The following EHBP1 variants were observed in gnomAD, a reference collection of about 807,000 sequenced individuals.
The protein encoded by EHBP1 is EH domain-binding protein 1.
Under a neutral mutation model 144.0 loss-of-function variants are expected in EHBP1, and 55 were observed. The observed-to-expected ratio is 0.38, with a 90% CI of 0.31 to 0.48. The LOEUF is 0.48. Ranked by LOEUF, EHBP1 falls within the 20% of genes least tolerant of loss-of-function variation. The pLI, the probability that EHBP1 is intolerant of heterozygous loss-of-function variation, is 0.98. For synonymous variants in EHBP1, 469 were observed against 472.7 expected (o/e 0.99, Z 0.10); for missense variants, 1,200 against 1,364.2 (o/e 0.88, Z 1.90).
chr2:62,992,486 C>CTTTGT (rs2059453398), intron 16 of EHBP1, among the ~76,000 whole-genome samples: 1 of 152,148 alleles, frequency 6.6e-6, no homozygotes, highest in Non-Finnish European at 1.5e-5. Flanking sequence ...GTGCTTTAAA[C>CTTTGT]AGCTTGCCTT....
In EHBP1 at chr2:62,859,208, A is replaced by G. The variant is rs145562120; in HGVS notation, c.674A>G (p.Lys225Arg). ...CTTAACTTTTTGGATGAAGCAGAAAAGGACTTGGCCACCGTGAATTCAAAT... is the reference window on the plus strand; with the variant it reads ...CTTAACTTTTTGGATGAAGCAGAAAGGGACTTGGCCACCGTGAATTCAAAT... ...NKLNFLDEAE[K>R]DLATVNSNPF... The change falls in exon 8 of 23, where the codon AAG becomes AGG. Residue 225 changes from lysine (K) to arginine (R), a missense_variant. Coordinates refer to ENST00000431489, the MANE Select transcript of EHBP1 (RefSeq NM_001142616.3). The G allele has an allele frequency of 3.1e-6, 5 of 1,611,914 alleles. No homozygotes were observed. The highest frequency in any genetic ancestry group is 4.2e-6 in the Non-Finnish European group (5 of 1,178,682).
At chr2:62,810,971 T>G (rs574293876) in intron 5 of EHBP1, among the ~76,000 whole-genome samples, 67 of 152,348 alleles carry the variant, frequency 4.4e-4, no homozygotes, top group Admixed American at 1.8e-3. Flanking sequence ...TTGGACATTC[T>G]ACAACCCATT....
At chr2:62,896,296 G>A (rs1226811677) in intron 10 of EHBP1, among the ~76,000 whole-genome samples, 1 of 152,166 alleles carries the variant, frequency 6.6e-6, no homozygotes, top group Non-Finnish European at 1.5e-5. Flanking sequence ...TATGTAACTG[G>A]AAAGGAGTGA....
chr2:62,755,935 G>A lies in EHBP1; in HGVS notation c.163-8331G>A, dbSNP rs1364971417. On this transcript the variant is annotated intron_variant, in intron 3 of 22. Transcript: ENST00000431489. ...AAATTAGATAGCAATTATTGTCTAA[G>A]AGAAAATGAGAAACATAAGGAAATG... 6.6e-5 allele frequency among the ~76,000 whole-genome samples: 10 copies of A among 152,076 alleles called. No individual in the cohort carries two copies. The East Asian group carries it at 1.9e-3, about 29-fold the overall frequency.
chr2:62,857,852 C>CA (rs1173371628), intron 7 of EHBP1, among the ~76,000 whole-genome samples: 1 of 151,180 alleles, frequency 6.6e-6, no homozygotes, highest in African/African-American at 2.4e-5. Context: ...CTTAAAAGAA[C>CA]AGATCCTATT....
intron 19 of EHBP1, among the ~76,000 whole-genome samples, chr2:63,016,723 G>A (rs555324414): frequency 1.3e-5 from 2 of 151,886 alleles, no homozygotes; most frequent in East Asian, 1.9e-4. Flanking sequence ...GAGCCATCGC[G>A]CCCAGCCTGA....
intron 13 of EHBP1, among the ~76,000 whole-genome samples, chr2:62,952,785 G>A (rs1253741090): frequency 1.3e-5 from 2 of 152,052 alleles, no homozygotes; most frequent in African/African-American, 4.8e-5. Flanking sequence ...TACCATAATA[G>A]CATTAAAAAA....
At chr2:62,827,512 C>T (rs1276235677) in intron 6 of EHBP1, among the ~76,000 whole-genome samples, 2 of 152,088 alleles carry the variant, frequency 1.3e-5, no homozygotes, top group African/African-American at 4.8e-5. Flanking sequence ...GAAATTCAGC[C>T]AAACCAAATG....
upstream of EHBP1, among the ~76,000 whole-genome samples, chr2:62,704,984 T>G (rs1278295460): frequency 6.6e-6 from 1 of 152,136 alleles, no homozygotes; most frequent in Non-Finnish European, 1.5e-5. Flanking sequence ...GAAACCAAGA[T>G]TCAAAGAAAT....
chr2:62,676,458 A>T (rs943700719), intron 1 of EHBP1, among the ~76,000 whole-genome samples: 5 of 152,220 alleles, frequency 3.3e-5, no homozygotes, highest in Admixed American at 2.6e-4. Flanking sequence ...ATTTACATTT[A>T]AAAAATGGCC....
At chr2:62,930,122 A>C (rs555059437) in intron 10 of EHBP1, among the ~76,000 whole-genome samples, 20 of 152,132 alleles carry the variant, frequency 1.3e-4, no homozygotes, top group Non-Finnish European at 2.5e-4. Context: ...GGTGGCATGC[A>C]CTCATAGTCC....
intron 14 of EHBP1, among the ~76,000 whole-genome samples, chr2:62,959,967 A>G (rs1296933286): frequency 6.6e-6 from 1 of 152,178 alleles, no homozygotes; most frequent in Non-Finnish European, 1.5e-5. Flanking sequence ...CCATGTACTC[A>G]GTACAGTTAG....
chr2:62,902,581 G>A, intron 10 of EHBP1, among the ~76,000 whole-genome samples: 1 of 151,878 alleles, frequency 6.6e-6, no homozygotes, highest in East Asian at 1.9e-4. Flanking sequence ...TAGGAAAATA[G>A]GAATTACTAG....
At chr2:62,856,357 G>A (rs2049055360) in intron 7 of EHBP1, among the ~76,000 whole-genome samples, 1 of 152,226 alleles carries the variant, frequency 6.6e-6, no homozygotes, top group African/African-American at 2.4e-5. Flanking sequence ...GCTTCCAGGT[G>A]CCACCACGTT....
chr2:62,717,576 G>A lies in EHBP1; in HGVS notation c.104+10281G>A, dbSNP rs575074606. On this transcript the variant is annotated intron_variant, in intron 2 of 22. Coordinates refer to ENST00000431489, the MANE Select transcript of EHBP1 (RefSeq NM_001142616.3). The stretch of plus-strand genomic sequence containing the variant: ...CCTGGTATTTGTCTTATGTATCACT[G>A]TTATAGTGATATTTTTTGGCAGCTT... 2.0e-5 allele frequency among the ~76,000 whole-genome samples: 3 copies of A among 152,248 alleles called. No homozygotes were observed. The East Asian group carries it at 5.8e-4, about 29-fold the overall frequency.
chr2:62,701,446 C>T (rs577691315), upstream of EHBP1, among the ~76,000 whole-genome samples: 13 of 152,230 alleles, frequency 8.5e-5, no homozygotes, highest in African/African-American at 2.2e-4. Flanking sequence ...TGGTTAGAGG[C>T]GAACAGTGCA....
intron 7 of EHBP1, among the ~76,000 whole-genome samples, chr2:62,854,221 A>ATG (rs952373709): frequency 1.2e-4 from 18 of 152,180 alleles, no homozygotes; most frequent in Non-Finnish European, 2.9e-5. Flanking sequence ...AGGGAATGCT[A>ATG]TGGTTGGTTT....
At chr2:62,703,329 AG>A (rs1488830700), upstream of EHBP1, among the ~76,000 whole-genome samples, 1 of 152,112 alleles carries the variant, frequency 6.6e-6, no homozygotes, top group African/African-American at 2.4e-5. Flanking sequence ...AGTGACAGAG[AG>A]AAACCCCGTC....
upstream of EHBP1, among the ~76,000 whole-genome samples, chr2:62,704,788 C>G (rs1387546025): frequency 6.6e-6 from 1 of 152,110 alleles, no homozygotes; most frequent in Non-Finnish European, 1.5e-5. Flanking sequence ...ACACTTTTTC[C>G]CCCTTGAGAA....
Sources: allele counts gnomAD v4.1 joint callset (sites outside exome capture counted in the v4.1 genomes callset), GRCh38; gene constraint gnomAD v4.1.1; transcripts MANE v1.5; gene names NCBI Gene and HGNC (gene_info 2026-07-23, HGNC 2026-07-21).